The following ALK variants were observed in gnomAD, a reference collection of about 807,000 sequenced individuals.
ALK encodes the protein ALK receptor tyrosine kinase.
In ALK, 74 loss-of-function variants were observed where a neutral mutation model predicts 163.1. The ratio of observed to expected loss-of-function variants is 0.45; its 90% CI spans 0.38 to 0.55. The LOEUF (loss-of-function observed/expected upper bound fraction) is 0.55, where lower values mean the gene tolerates loss of function less well. Ranked by LOEUF, ALK falls within the 20% of genes least tolerant of loss-of-function variation. The pLI, the probability that ALK is intolerant of heterozygous loss-of-function variation, is 0.00. For missense variants in ALK, 2,063 were observed against 2,105.3 expected (o/e 0.98, Z 0.39); for synonymous variants, 960 against 843.2 (o/e 1.14, Z -2.40).
intron 1 of ALK, among the ~76,000 whole-genome samples, chr2:29,878,529 T>C (rs1292574456): frequency 1.3e-5 from 2 of 152,224 alleles, no homozygotes; most frequent in Non-Finnish European, 2.9e-5. Context: ...CCATCATTCC[T>C]AGGCAAATAT....
In ALK at chr2:29,255,281, A is replaced by G. The variant is rs182408843; in HGVS notation, c.2042-4014T>C. On this transcript the variant is annotated intron_variant, in intron 11 of 28. Coordinates refer to ENST00000389048, the MANE Select transcript of ALK (RefSeq NM_004304.5). The stretch of plus-strand genomic sequence containing the variant: ...CTTCATCTGCTGGTTCCCTTTGTTC[A>G]TACTGTCTGCAATCCTGTAGTCATC... Among the ~76,000 whole-genome samples the G allele has an allele frequency of 6.6e-5, 10 of 152,214 alleles. No individual in the cohort carries two copies. The East Asian group carries it at 7.7e-4, about 12-fold the overall frequency.
intron 3 of ALK, among the ~76,000 whole-genome samples, chr2:29,549,803 G>C (rs765113888): frequency 5.3e-5 from 8 of 152,186 alleles, no homozygotes; most frequent in Middle Eastern, 3.4e-3. Flanking sequence ...TTTATATTGA[G>C]TACAAGTCAA....
At chr2:29,876,241 T>C (rs1218703454) in intron 1 of ALK, among the ~76,000 whole-genome samples, 2 of 152,248 alleles carry the variant, frequency 1.3e-5, no homozygotes, top group African/African-American at 2.4e-5. Flanking sequence ...CTTAGTCCAA[T>C]GTCTGGCACA....
chr2:29,257,487 C>A (rs964994447), intron 11 of ALK, among the ~76,000 whole-genome samples: 1 of 151,910 alleles, frequency 6.6e-6, no homozygotes, highest in African/African-American at 2.4e-5. Flanking sequence ...AAAAAATAGG[C>A]TAGACAATGA....
rs200110351 is a variant in ALK at position 29,214,035 on chromosome 2, C to T, written c.3692G>A (p.Arg1231Gln). 169 of 1,613,992 alleles carry T rather than the reference C, an allele frequency of 1.0e-4. No homozygotes were observed. Among genetic ancestry groups the T allele is most frequent in the East Asian group, 4.0e-4 (18 of 44,866 alleles). Reference sequence around the variant, plus strand: ...ATACTGACAGCCACAGGCAATGTCCCGAGCCACGTGCAGAAGGTCCAGCAT... The same window carrying T: ...ATACTGACAGCCACAGGCAATGTCCTGAGCCACGTGCAGAAGGTCCAGCAT... ...LAMLDLLHVA[R>Q]DIACGCQYLE... is the part of the protein sequence containing the mutation. Residue 1231 changes from arginine to glutamine, a missense_variant, in exon 24 of 29, where the codon CGG becomes CAG. Physicochemically the swap from Arg to Gln is conservative, Grantham distance 43. This residue lies in a region of ALK where 83 missense variants were observed against 139.7 expected (regional missense o/e 0.59). Coordinates refer to ENST00000389048, the MANE Select transcript of ALK (RefSeq NM_004304.5).
intron 4 of ALK, among the ~76,000 whole-genome samples, chr2:29,478,440 G>C (rs1671580019): frequency 6.6e-6 from 1 of 152,250 alleles, no homozygotes; most frequent in African/African-American, 2.4e-5. Context: ...CCATCACTGG[G>C]CATATATGGA....
chr2:29,366,484 GC>G (rs1668511477), intron 5 of ALK, among the ~76,000 whole-genome samples: 1 of 151,978 alleles, frequency 6.6e-6, no homozygotes, highest in South Asian at 2.1e-4. Context: ...TCTCAGTGTC[GC>G]CCTGAGAGGG....
At chr2:29,592,261 C>T (rs1317647976) in intron 3 of ALK, among the ~76,000 whole-genome samples, 1 of 152,142 alleles carries the variant, frequency 6.6e-6, no homozygotes, top group East Asian at 1.9e-4. Flanking sequence ...CCCACCCTAG[C>T]CTGAGACCCA....
At chr2:29,305,886 C>T (rs112932484) in intron 8 of ALK, among the ~76,000 whole-genome samples, 1 of 152,034 alleles carries the variant, frequency 6.6e-6, no homozygotes, top group Non-Finnish European at 1.5e-5. Context: ...TACAACTCAC[C>T]ATAATGTCAG....
At chr2:29,705,259 A>C (rs1372686431) in intron 2 of ALK, among the ~76,000 whole-genome samples, 7 of 57,260 alleles carry the variant, frequency 1.2e-4, no homozygotes, top group African/African-American at 2.5e-4. Context: ...ATATATATAT[A>C]TATATATATA....
intron 8 of ALK, among the ~76,000 whole-genome samples, chr2:29,317,041 T>C (rs1204666017): frequency 6.6e-6 from 1 of 152,218 alleles, no homozygotes; most frequent in Non-Finnish European, 1.5e-5. Context: ...TTCTTATTTG[T>C]TTTCTGTCTG....
intron 4 of ALK, among the ~76,000 whole-genome samples, chr2:29,391,026 G>T (rs1669155454): frequency 6.6e-6 from 1 of 152,162 alleles, no homozygotes; most frequent in Non-Finnish European, 1.5e-5. Context: ...GCTGCTCTGA[G>T]GCTAAGGGGG....
At chr2:29,876,195 T>C (rs1422124185) in intron 1 of ALK, among the ~76,000 whole-genome samples, 1 of 152,270 alleles carries the variant, frequency 6.6e-6, no homozygotes, top group Non-Finnish European at 1.5e-5. Flanking sequence ...CTGCATACTA[T>C]TGTTGTCAGG....
intron 1 of ALK, among the ~76,000 whole-genome samples, chr2:29,838,213 A>T (rs779435439): frequency 6.6e-6 from 1 of 152,190 alleles, no homozygotes; most frequent in Non-Finnish European, 1.5e-5. Flanking sequence ...GCAGAGCCAC[A>T]GTGATCTATG....
At chr2:29,422,623 T>C (rs1324846742) in intron 4 of ALK, among the ~76,000 whole-genome samples, 1 of 151,706 alleles carries the variant, frequency 6.6e-6, no homozygotes, top group Non-Finnish European at 1.5e-5. Context: ...TTTTGTTTAG[T>C]TTTTTTTCTT....
chr2:29,623,237 GA>G lies in ALK; in HGVS notation c.952+71612del, dbSNP rs369118308. On this transcript the variant is annotated intron_variant, in intron 3 of 28. Transcript: ENST00000389048. ...AGCCTAAGGAAATAATGTAAACTAT[GA>G]AAAAATGATCTTCATGATGGTATTT... is the stretch of plus-strand genomic sequence containing the variant. 5.0e-3 allele frequency among the ~76,000 whole-genome samples: 763 copies of G among 152,074 alleles called. 13 individuals are homozygous for G. Among genetic ancestry groups the G allele is most frequent in the African/African-American group, 0.017 (702 of 41,514 alleles).
At chr2:29,311,192 G>C (rs918889138) in intron 8 of ALK, among the ~76,000 whole-genome samples, 1 of 152,198 alleles carries the variant, frequency 6.6e-6, no homozygotes, top group Non-Finnish European at 1.5e-5. Context: ...GTAGATGAGG[G>C]GCAACCATAG....
chr2:29,389,664 C>T (rs1284943188), intron 4 of ALK, among the ~76,000 whole-genome samples: 2 of 152,210 alleles, frequency 1.3e-5, no homozygotes, highest in Admixed American at 6.5e-5. Flanking sequence ...GAGTTTCTGA[C>T]ACTCTTGGTC....
chr2:29,734,272 C>T (rs1679829884), intron 1 of ALK, among the ~76,000 whole-genome samples: 1 of 152,160 alleles, frequency 6.6e-6, no homozygotes, highest in African/African-American at 2.4e-5. Flanking sequence ...AGACCATCTC[C>T]ATCCCCATCT....
Sources: gnomAD v4.1 joint callset for allele counts (sites outside exome capture counted in the v4.1 genomes callset) on GRCh38, gnomAD v4.1.1 for gene constraint, gnomAD v4.1.1 regional missense constraint, MANE v1.5 for transcripts, NCBI Gene and HGNC (gene_info 2026-07-23, HGNC 2026-07-21) for gene names.